Variants in MTMR3 observed in about 807,000 individuals in gnomAD.
MTMR3 encodes the protein phosphatidylinositol-3,5-bisphosphate 3-phosphatase MTMR3.
A neutral mutation model predicts 132.4 loss-of-function variants in MTMR3; 32 were observed. The observed-to-expected ratio is 0.24, with a 90% CI of 0.18 to 0.32. MTMR3 has a LOEUF of 0.32. MTMR3 is among the 10% of genes least tolerant of loss of function. The probability of loss-of-function intolerance (pLI) is 1.00; values close to 1 mark genes in which losing one functional copy is unlikely to be tolerated. For synonymous variants in MTMR3, 556 were observed against 550.3 expected, an observed-to-expected ratio of 1.01 and a Z score of -0.14; for missense variants, 1,216 against 1,489.6, an observed-to-expected ratio of 0.82 and a Z score of 3.02.
intron 1 of MTMR3, among the ~76,000 whole-genome samples, chr22:29,892,059 A>G (rs894704803): frequency 6.6e-6 from 1 of 151,946 alleles, no homozygotes; most frequent in African/African-American, 2.4e-5. Context: ...AGGCTGAGGA[A>G]GGATAATCTC....
At chr22:29,998,921 C>A in intron 8 of MTMR3, 64 bp downstream of exon 8, 1 of 1,032,204 alleles carries the variant, frequency 9.7e-7, no homozygotes, top group Non-Finnish European at 1.4e-6. Flanking sequence ...CCGCAATTCT[C>A]ATGTGGCAGA....
At chr22:30,021,136 G>A (rs2067738127) in intron 17 of MTMR3, 2 of 524,812 alleles carry the variant, frequency 3.8e-6, no homozygotes, top group East Asian at 3.2e-5. Flanking sequence ...AGCATGCACT[G>A]CATGGTTGAT....
chr22:30,021,640 C>T, intron 17 of MTMR3: 1 of 196,710 alleles, frequency 5.1e-6, no homozygotes. Flanking sequence ...CCCAGAGAGT[C>T]CTTCTAAGAA....
chr22:29,885,579 T>C (rs929160070), intron 1 of MTMR3, among the ~76,000 whole-genome samples: 1 of 152,198 alleles, frequency 6.6e-6, no homozygotes, highest in African/African-American at 2.4e-5. Context: ...GTAAGTCGGC[T>C]TCTGGCTCAT....
intron 1 of MTMR3, among the ~76,000 whole-genome samples, chr22:29,928,492 T>G (rs2065571344): frequency 6.6e-6 from 1 of 151,948 alleles, no homozygotes; most frequent in African/African-American, 2.4e-5. Flanking sequence ...TCTTTTAGGC[T>G]TTCCCCCCAG....
intron 2 of MTMR3, among the ~76,000 whole-genome samples, chr22:29,964,346 TTTG>T: frequency 6.6e-6 from 1 of 152,308 alleles, no homozygotes; most frequent in East Asian, 1.9e-4. Context: ...TGTTTGTTTG[TTTG>T]TTATTTTACA....
In MTMR3 at chr22:29,932,283, C is replaced by G. The variant is rs539865836; in HGVS notation, c.-137-24753C>G. The stretch of plus-strand genomic sequence containing the variant: ...ATTAATATACAGAACATTTATAGCT[C>G]TCTCCCTACTAAGGTTCCCTTCCAT... On this transcript the variant is annotated intron_variant, in intron 1 of 19. Coordinates refer to ENST00000401950, the MANE Select transcript of MTMR3 (RefSeq NM_021090.4). Among the ~76,000 whole-genome samples, 401 of 152,302 alleles carry G rather than the reference C, an allele frequency of 2.6e-3. 3 individuals are homozygous for G. The highest frequency in any genetic ancestry group is 9.2e-3 in the African/African-American group (383 of 41,556).
At chr22:29,935,182 A>G (rs1021324861) in intron 1 of MTMR3, among the ~76,000 whole-genome samples, 1 of 152,192 alleles carries the variant, frequency 6.6e-6, no homozygotes, top group Non-Finnish European at 1.5e-5. Context: ...AGCTTGTACT[A>G]TAGTATTTGA....
Position 30,025,807 on chromosome 22 carries a change from A to G in MTMR3, c.*6A>G. The G allele has an allele frequency of 1.2e-6, 2 of 1,613,752 alleles. No individual in the cohort carries two copies. The highest frequency in any genetic ancestry group is 1.7e-6 in the Non-Finnish European group (2 of 1,179,988). ...TTGCTGCCACTTCCAACTGAAGCTCAGTGACCTGGGTGGGCAGTGGCCAAG... is the reference window on the plus strand; with the variant it reads ...TTGCTGCCACTTCCAACTGAAGCTCGGTGACCTGGGTGGGCAGTGGCCAAG... On this transcript the variant is annotated 3_prime_UTR_variant, in exon 20 of 20. Coordinates refer to ENST00000401950, the MANE Select transcript of MTMR3 (RefSeq NM_021090.4).
chr22:29,951,003 T>C (rs577845796), intron 1 of MTMR3, among the ~76,000 whole-genome samples: 78 of 152,050 alleles, frequency 5.1e-4, no homozygotes, highest in African/African-American at 1.8e-3. Context: ...ATACAAAAAT[T>C]AGCTGGGCGT....
chr22:29,903,306 CCT>C (rs1413222958), intron 1 of MTMR3, among the ~76,000 whole-genome samples: 1 of 152,010 alleles, frequency 6.6e-6, no homozygotes, highest in African/African-American at 2.4e-5. Flanking sequence ...CAGTTCCAAC[CCT>C]GAGTCAGACT....
chr22:29,908,982 C>CTTTTCTT (rs563576306), intron 1 of MTMR3, among the ~76,000 whole-genome samples: 1 of 139,716 alleles, frequency 7.2e-6, no homozygotes, highest in Admixed American at 7.1e-5. Flanking sequence ...CTTTTCTTTT[C>CTTTTCTT]TTTTTTTTTT....
intron 1 of MTMR3, among the ~76,000 whole-genome samples, chr22:29,900,568 T>G (rs1235666898): frequency 2.0e-5 from 3 of 152,150 alleles, no homozygotes; most frequent in African/African-American, 7.2e-5. Flanking sequence ...ACCCTGTGAT[T>G]TATTATAATA....
intron 3 of MTMR3, among the ~76,000 whole-genome samples, chr22:29,973,988 A>G (rs73883350): frequency 0.011 from 1,634 of 152,306 alleles, 33 homozygotes; most frequent in African/African-American, 0.038. Context: ...TTTAGCCAAT[A>G]GCAGAAACTA....
intron 1 of MTMR3, among the ~76,000 whole-genome samples, chr22:29,951,130 A>G (rs1055000297): frequency 1.3e-5 from 2 of 151,848 alleles, no homozygotes; most frequent in Non-Finnish European, 2.9e-5. Context: ...CAGCCTGGCC[A>G]TAGAGTGAGA....
At chr22:29,983,979 T>TTTATG (rs909256003) in intron 5 of MTMR3, 2 of 151,646 alleles carry the variant, frequency 1.3e-5, no homozygotes, top group Middle Eastern at 6.8e-3. Flanking sequence ...TTATTTTATT[T>TTTATG]TTATGTTATG....
intron 1 of MTMR3, among the ~76,000 whole-genome samples, chr22:29,892,544 CT>C (rs1330773859): frequency 1.3e-5 from 2 of 152,128 alleles, no homozygotes; most frequent in Admixed American, 6.6e-5. Flanking sequence ...CATGATGATT[CT>C]TAGATTAAAA....
At chr22:29,888,392 CGTT>C (rs1361796023) in intron 1 of MTMR3, among the ~76,000 whole-genome samples, 1 of 151,884 alleles carries the variant, frequency 6.6e-6, no homozygotes, top group Non-Finnish European at 1.5e-5. Context: ...ACTTTGTCGT[CGTT>C]GTTTGGGGAC....
intron 2 of MTMR3, among the ~76,000 whole-genome samples, chr22:29,962,917 T>C (rs1011889506): frequency 1.3e-5 from 2 of 150,124 alleles, no homozygotes; most frequent in Middle Eastern, 3.4e-3. Flanking sequence ...TTTCTTTTTT[T>C]TTTTTTTTTG....
Sources: gnomAD v4.1 joint callset for allele counts (sites outside exome capture counted in the v4.1 genomes callset) on GRCh38, gnomAD v4.1.1 for gene constraint, MANE v1.5 for transcripts, NCBI Gene and HGNC (gene_info 2026-07-23, HGNC 2026-07-21) for gene names.